The following HK2 variants were observed in gnomAD, a reference collection of about 807,000 sequenced individuals.
HK2 encodes hexokinase 2.
Under a neutral mutation model 92.9 loss-of-function variants are expected in HK2, and 42 were observed. The observed-to-expected ratio is 0.45, with a 90% CI of 0.35 to 0.58. The LOEUF (loss-of-function observed/expected upper bound fraction) is 0.58, where lower values mean the gene tolerates loss of function less well. Ranked by LOEUF, HK2 falls within the 20% of genes least tolerant of loss-of-function variation. The probability of loss-of-function intolerance (pLI) is 0.00; values close to 1 mark genes in which losing one functional copy is unlikely to be tolerated. For missense variants in HK2, 978 were observed against 1,245.1 expected (o/e 0.79, Z 3.23); for synonymous variants, 422 against 468.0 (o/e 0.90, Z 1.27).
intron 16 of HK2, among the ~76,000 whole-genome samples, 163 bp from the exon 17 acceptor site, chr2:74,889,082 G>A (rs1689608127): frequency 6.6e-6 from 1 of 152,210 alleles, no homozygotes; most frequent in South Asian, 2.1e-4. Flanking sequence ...GCAGTAGGTT[G>A]AGCAGTGGTC....
rs1171998041 is a variant in HK2, at chr2:74,834,723, G to A, written c.63+80G>A. 1.0e-5 allele frequency: 15 copies of A among 1,492,104 alleles called. No homozygotes were observed. Among genetic ancestry groups the A allele is most frequent in the Non-Finnish European group, 1.2e-5 (13 of 1,069,980 alleles). The allele number at this position is 1,492,104 out of a possible 1,614,324, so 92.4% of individuals were successfully genotyped here. A position where few individuals can be genotyped will look rare whatever the true frequency, so the allele number is the denominator to read the frequency against. ...CCATCAGTCTCTTCCTCGACCCTGC[G>A]GGGACCCGCTTCCTCCCTACTCCGG... is the stretch of plus-strand genomic sequence containing the variant. On this transcript the variant is annotated intron_variant, in intron 1 of 17. Coordinates refer to ENST00000290573, the MANE Select transcript of HK2 (RefSeq NM_000189.5). This position sits in a 1 kb window ranked among gnomAD's most constrained non-coding sequence, Gnocchi z 4.2.
Position 74,839,932 on chromosome 2 carries a change from G to T in HK2, c.63+5289G>T, listed in dbSNP as rs1484736936. ...CTCCCAAAGTGCTGGGATTACAGGC[G>T]TGAGCCACTGCGCCTGGCCTTTTTT... is the stretch of plus-strand genomic sequence containing the variant. On this transcript the variant is annotated intron_variant, in intron 1 of 17. Transcript: ENST00000290573. Among the ~76,000 whole-genome samples the T allele has an allele frequency of 1.5e-4, 23 of 149,272 alleles. No individual in the cohort carries two copies. In the East Asian group the frequency reaches 4.4e-3, roughly 28 times the overall value.
chr2:74,854,178 T>G (rs1688637515), intron 1 of HK2, 115 bp from the exon 2 acceptor site: 1 of 993,766 alleles, frequency 1.0e-6, no homozygotes, highest in Non-Finnish European at 1.6e-6. Context: ...AATAATAACT[T>G]TCTGTACATA....
chr2:74,861,215 G>A lies in HK2; in HGVS notation c.227-6421G>A, dbSNP rs1266214279. 2.6e-4 allele frequency among the ~76,000 whole-genome samples: 39 copies of A among 152,068 alleles called. 1 individual carries two copies. The highest frequency in any genetic ancestry group is 2.6e-3 in the Admixed American group (39 of 15,266). ...GGCCAAGGTGGGTGGATCACTTGAG[G>A]TCAGGACCAGCCTGGCCAACATGTT... On this transcript the variant is annotated intron_variant, in intron 2 of 17. Coordinates refer to ENST00000290573, the MANE Select transcript of HK2 (RefSeq NM_000189.5).
At chr2:74,878,130 C>T (rs2103976854) in intron 8 of HK2, among the ~76,000 whole-genome samples, 2 of 152,254 alleles carry the variant, frequency 1.3e-5, no homozygotes, top group Admixed American at 1.3e-4. Context: ...ATAGCACTAG[C>T]CCCTTACCAA....
At chr2:74,857,662 T>C (rs1019329292) in intron 2 of HK2, among the ~76,000 whole-genome samples, 3 of 151,824 alleles carry the variant, frequency 2.0e-5, no homozygotes, top group African/African-American at 7.3e-5. Flanking sequence ...CAAACAAAAA[T>C]AGATAAATTT....
intron 2 of HK2, among the ~76,000 whole-genome samples, chr2:74,867,023 G>T (rs912782325): frequency 2.0e-5 from 3 of 152,096 alleles, no homozygotes; most frequent in Admixed American, 6.5e-5. Context: ...GTGTTCTGGG[G>T]GTATGAGGAA....
At chr2:74,876,352 G>C (rs941092664) in intron 7 of HK2, among the ~76,000 whole-genome samples, 1 of 152,196 alleles carries the variant, frequency 6.6e-6, no homozygotes, top group African/African-American at 2.4e-5. Context: ...CTAAGACACA[G>C]GTTCTTTCTC....
At chr2:74,857,749 C>T (rs558527799) in intron 2 of HK2, among the ~76,000 whole-genome samples, 5 of 152,304 alleles carry the variant, frequency 3.3e-5, no homozygotes, top group African/African-American at 1.2e-4. Context: ...TGGAATATGG[C>T]AGTGAAAATA....
chr2:74,892,478 T>G lies in HK2; in HGVS notation c.*1537T>G, dbSNP rs1333232430. ...CTTTTTTTTATACACAACATTTATT[T>G]CAAACTATTGGGAGGGATGAGAGTG... On this transcript the variant is annotated 3_prime_UTR_variant, in exon 18 of 18. Coordinates refer to ENST00000290573, the MANE Select transcript of HK2 (RefSeq NM_000189.5). The G allele has an allele frequency of 6.6e-6, 1 of 152,124 alleles. No individual in the cohort carries two copies. The highest frequency in any genetic ancestry group is 1.5e-5 in the Non-Finnish European group (1 of 68,030). The allele number at this position is 152,124 out of a possible 1,614,324, so 9.4% of individuals were successfully genotyped here.
At chr2:74,857,371 C>G (rs1464325165) in intron 2 of HK2, among the ~76,000 whole-genome samples, 1 of 152,184 alleles carries the variant, frequency 6.6e-6, no homozygotes, top group Non-Finnish European at 1.5e-5. Context: ...TGTCTTAGTT[C>G]ATTTTTGTGT....
rs184321170 is a variant in HK2, at chr2:74,849,457, G to A, written c.64-4836G>A. On this transcript the variant is annotated intron_variant, in intron 1 of 17. Coordinates refer to ENST00000290573, the MANE Select transcript of HK2 (RefSeq NM_000189.5). ...TGGCAGGCAGACGGGAAGGTAACCC[G>A]TTCTTCAGCCAGGCTTTGCTCTGGC... 8.5e-5 allele frequency among the ~76,000 whole-genome samples: 13 copies of A among 152,288 alleles called. No homozygotes were observed. In the East Asian group the frequency reaches 1.2e-3, roughly 14 times the overall value.
chr2:74,850,716 G>A (rs1688547337), intron 1 of HK2, among the ~76,000 whole-genome samples: 1 of 152,144 alleles, frequency 6.6e-6, no homozygotes, highest in Non-Finnish European at 1.5e-5. Context: ...CTCAATCCAG[G>A]AAAATCATCT....
At position 74,881,724 on chromosome 2, in the gene HK2, C is replaced by A; in HGVS notation, c.1584C>A (p.Phe528Leu). 6.2e-7 allele frequency: 1 copy of A among 1,614,094 alleles called. No individual in the cohort carries two copies. The highest frequency in any genetic ancestry group is 1.3e-5 in the African/African-American group (1 of 74,946). Residue 528 changes from phenylalanine (F) to leucine (L), a missense_variant, in exon 11 of 18, where the codon TTC becomes TTA. Transcript: ENST00000290573. ...ATPDGTEKGDFLALDLGGTNF... is the reference protein window; with the variant it reads ...ATPDGTEKGDLLALDLGGTNF... ...CTTATTTTCCAGAGAAAGGGGACTT[C>A]TTGGCCTTGGACCTTGGAGGAACAA...
intron 2 of HK2, among the ~76,000 whole-genome samples, chr2:74,860,136 G>A (rs1688789984): frequency 6.7e-6 from 1 of 149,836 alleles, no homozygotes; most frequent in Non-Finnish European, 1.5e-5. Flanking sequence ...GACATAGAAA[G>A]TGGAATGATA....
chr2:74,864,166 T>C (rs560173344), intron 2 of HK2, among the ~76,000 whole-genome samples: 1 of 152,336 alleles, frequency 6.6e-6, no homozygotes, highest in South Asian at 2.1e-4. Flanking sequence ...TTCCTTGTGC[T>C]ATCCCAGCCC....
intron 1 of HK2, among the ~76,000 whole-genome samples, chr2:74,843,623 C>T (rs1688367403): frequency 6.6e-6 from 1 of 152,180 alleles, no homozygotes; most frequent in Non-Finnish European, 1.5e-5. Context: ...CTCCTGCCCA[C>T]TCAGCCTTCC....
Position 74,881,822 on chromosome 2 carries a change from C to T in HK2, c.1682C>T (p.Ala561Val). ...GGVEMHNKIY[A>V]IPQEVMHGTG... ...GTGGAGATGCACAACAAGATCTACG[C>T]CATCCCGCAGGAGGTCATGCACGGC... The change falls in exon 11 of 18, where the codon GCC becomes GTC. Residue 561 changes from alanine to valine, a missense_variant. Physicochemically the swap from Ala to Val is moderately conservative, Grantham distance 64 (BLOSUM62 0). Transcript: ENST00000290573. 3.1e-6 allele frequency: 5 copies of T among 1,614,184 alleles called. No individual in the cohort carries two copies. The highest frequency in any genetic ancestry group is 2.5e-6 in the Non-Finnish European group (3 of 1,180,024).
chr2:74,875,474 G>A (rs1285654048), intron 7 of HK2, among the ~76,000 whole-genome samples: 3 of 151,948 alleles, frequency 2.0e-5, no homozygotes, highest in African/African-American at 2.4e-5. Context: ...GATTACAGGC[G>A]CCTGCCACCA....
Sources: allele counts gnomAD v4.1 joint callset (sites outside exome capture counted in the v4.1 genomes callset), GRCh38; gene constraint gnomAD v4.1.1; non-coding constraint Gnocchi (gnomAD v3.1); transcripts MANE v1.5; gene names NCBI Gene and HGNC (gene_info 2026-07-23, HGNC 2026-07-21).